The following MEGF11 variants were observed in gnomAD, a reference collection of about 807,000 sequenced individuals.
MEGF11 encodes the protein multiple EGF like domains 11, also known as multiple epidermal growth factor-like domains protein 11.
Under a neutral mutation model 146.6 loss-of-function variants are expected in MEGF11, and 126 were observed. The ratio of observed to expected loss-of-function variants is 0.86; its 90% CI spans 0.74 to 1.00. MEGF11 has a LOEUF of 1.00. Ranked by LOEUF, MEGF11 falls within the 50% of genes least tolerant of loss-of-function variation. The probability of loss-of-function intolerance (pLI) is 0.00; values close to 1 mark genes in which losing one functional copy is unlikely to be tolerated. For missense variants in MEGF11, 1,509 were observed against 1,521.2 expected, an observed-to-expected ratio of 0.99 and a Z score of 0.13; for synonymous variants, 532 against 583.4, an observed-to-expected ratio of 0.91 and a Z score of 1.27.
chr15:65,980,921 T>A, intron 6 of MEGF11, 23 bp from the exon 7 acceptor site: 1 of 1,550,596 alleles, frequency 6.4e-7, no homozygotes, highest in South Asian at 1.2e-5. Flanking sequence ...GCAGAGGTGT[T>A]AGACACAGCA....
chr15:66,173,873 A>G (rs939885170), intron 1 of MEGF11, among the ~76,000 whole-genome samples: 24 of 152,222 alleles, frequency 1.6e-4, no homozygotes, highest in Non-Finnish European at 3.2e-4. Flanking sequence ...CCACAAATCA[A>G]CAGCCCATCC....
At chr15:65,945,749 C>T (rs1361484428) in intron 10 of MEGF11, among the ~76,000 whole-genome samples, 2 of 152,184 alleles carry the variant, frequency 1.3e-5, no homozygotes, top group East Asian at 1.9e-4. Flanking sequence ...ATTCCCCCAT[C>T]ATTTGTCAGC....
At chr15:65,986,192 A>G (rs1437905983) in intron 5 of MEGF11, among the ~76,000 whole-genome samples, 1 of 152,072 alleles carries the variant, frequency 6.6e-6, no homozygotes. Context: ...ATCTCAGGTA[A>G]TCTACCTGCC....
chr15:66,165,804 G>A (rs935854431), intron 1 of MEGF11, among the ~76,000 whole-genome samples: 7 of 152,130 alleles, frequency 4.6e-5, no homozygotes, highest in Admixed American at 1.3e-4. Context: ...GTCTCCCTCC[G>A]TCCCCTGTCC....
At chr15:66,067,640 T>C (rs887568052) in intron 5 of MEGF11, among the ~76,000 whole-genome samples, 5 of 152,176 alleles carry the variant, frequency 3.3e-5, no homozygotes, top group African/African-American at 7.2e-5. Flanking sequence ...TCACTGAGGC[T>C]CCCACTGTAG....
At chr15:65,945,542 C>A (rs897936076) in intron 10 of MEGF11, among the ~76,000 whole-genome samples, 11 of 152,138 alleles carry the variant, frequency 7.2e-5, no homozygotes, top group Non-Finnish European at 1.5e-4. Context: ...CTTGCCACGC[C>A]AGTTTATTTA....
chr15:65,899,793 G>T (rs562098088), intron 24 of MEGF11, among the ~76,000 whole-genome samples: 17 of 152,264 alleles, frequency 1.1e-4, no homozygotes, highest in African/African-American at 3.4e-4. Context: ...ACCTATTTCA[G>T]CAGTATCTTT....
chr15:65,924,953 T>G (rs2079318157), intron 13 of MEGF11, among the ~76,000 whole-genome samples: 1 of 152,180 alleles, frequency 6.6e-6, no homozygotes. Flanking sequence ...CTATGGTTGT[T>G]GGAAACCCAG....
chr15:65,955,119 C>G (rs1236590702), intron 10 of MEGF11, among the ~76,000 whole-genome samples: 1 of 152,150 alleles, frequency 6.6e-6, no homozygotes, highest in Non-Finnish European at 1.5e-5. Flanking sequence ...TACAGCTATG[C>G]TAGAAGCCAA....
intron 24 of MEGF11, 71 bp from the exon 25 acceptor site, chr15:65,899,005 G>A: frequency 1.3e-6 from 2 of 1,481,876 alleles, no homozygotes; most frequent in Non-Finnish European, 1.9e-6. Context: ...GAAGCAGACT[G>A]CAGTTGAGTT....
intron 7 of MEGF11, among the ~76,000 whole-genome samples, chr15:65,979,776 G>A (rs1332486475): frequency 6.6e-6 from 1 of 152,210 alleles, no homozygotes; most frequent in South Asian, 2.1e-4. Flanking sequence ...AGCCTCACAT[G>A]AGCCAGCCTC....
chr15:66,030,850 G>A (rs760725573), intron 5 of MEGF11, among the ~76,000 whole-genome samples: 41 of 152,186 alleles, frequency 2.7e-4, no homozygotes, highest in Non-Finnish European at 1.0e-4. Context: ...ATCCATTACT[G>A]CTAACGAGCA....
At chr15:66,074,325 T>A (rs954867023) in intron 5 of MEGF11, among the ~76,000 whole-genome samples, 1 of 152,256 alleles carries the variant, frequency 6.6e-6, no homozygotes, top group Non-Finnish European at 1.5e-5. Flanking sequence ...ATATTTGAGA[T>A]TCATCCAAGT....
chr15:66,152,081 T>G (rs1551862), intron 1 of MEGF11, among the ~76,000 whole-genome samples: 32,688 of 152,118 alleles, frequency 0.21, 3,688 homozygotes, highest in Non-Finnish European at 0.26. Flanking sequence ...GGGTTTTCAT[T>G]CCAGGAGCTC....
Position 65,896,875 on chromosome 15 carries a change from A to T in MEGF11, c.*1059T>A, listed in dbSNP as rs1406487748. ...ATTCTTTTTTTGATCATTTAGTTCC[A>T]TTAAAAAGCATAATGTACTTTAAGC... On this transcript the variant is annotated 3_prime_UTR_variant, in exon 26 of 26. Transcript: ENST00000395614. 1 of 152,234 alleles carries T rather than the reference A, an allele frequency of 6.6e-6. No homozygotes were observed. The highest frequency in any genetic ancestry group is 1.5e-5 in the Non-Finnish European group (1 of 68,036). 9.4% of individuals were successfully genotyped at this position (152,234 alleles called of 1,614,324 possible). A position where few individuals can be genotyped will look rare whatever the true frequency, so the allele number is the denominator to read the frequency against.
chr15:65,907,112 G>GT (rs1344059668), intron 23 of MEGF11, among the ~76,000 whole-genome samples: 3 of 152,126 alleles, frequency 2.0e-5, no homozygotes, highest in African/African-American at 7.2e-5. Context: ...CTAAAATACA[G>GT]TTTGACTCTC....
At chr15:66,244,379 A>G (rs899746893) in intron 1 of MEGF11, among the ~76,000 whole-genome samples, 3 of 152,150 alleles carry the variant, frequency 2.0e-5, no homozygotes, top group Non-Finnish European at 4.4e-5. Flanking sequence ...GAAAGCTCAG[A>G]GTCCGCTGCT....
At chr15:65,914,774 T>A (rs1205836043) in intron 19 of MEGF11, among the ~76,000 whole-genome samples, 2 of 152,342 alleles carry the variant, frequency 1.3e-5, no homozygotes, top group Middle Eastern at 3.4e-3. Context: ...TTTGGCTCCT[T>A]TTCTGTAATG....
In MEGF11 at chr15:65,959,831, G is replaced by A. The variant is rs80251310; in HGVS notation, c.1113-2110C>T. Among the ~76,000 whole-genome samples, 788 of 152,290 alleles carry A rather than the reference G, an allele frequency of 5.2e-3. 5 individuals are homozygous for A. The highest frequency in any genetic ancestry group is 0.018 in the African/African-American group (745 of 41,536). On this transcript the variant is annotated intron_variant, in intron 9 of 25. Transcript: ENST00000395614. ...CTGTATTTCACAGATGGCATTTAGA[G>A]GTTATGTGACTTGCCCAAGGTCACA...
Sources: gnomAD v4.1 joint callset for allele counts (sites outside exome capture counted in the v4.1 genomes callset) on GRCh38, gnomAD v4.1.1 for gene constraint, MANE v1.5 for transcripts, NCBI Gene and HGNC (gene_info 2026-07-23, HGNC 2026-07-21) for gene names.